RTN4R: variants seen among roughly 807,000 people sequenced by gnomAD.
RTN4R encodes the protein reticulon-4 receptor.
A neutral mutation model predicts 27.7 loss-of-function variants in RTN4R; 4 were observed. The observed-to-expected ratio is 0.14, with a 90% confidence interval of 0.07 to 0.33. The LOEUF (loss-of-function observed/expected upper bound fraction) is 0.33. RTN4R is among the 10% of genes least tolerant of loss of function. The probability of loss-of-function intolerance (pLI) is 1.00; values close to 1 mark genes in which losing one functional copy is unlikely to be tolerated. For missense variants in RTN4R, 554 were observed against 671.5 expected, an observed-to-expected ratio of 0.83 and a Z score of 1.93; for synonymous variants, 290 against 305.6, an observed-to-expected ratio of 0.95 and a Z score of 0.53.
chr22:20,267,966 T>C, intron 1 of RTN4R, 105 bp downstream of exon 1: 2 of 637,074 alleles, frequency 3.1e-6, no homozygotes, highest in Admixed American at 5.2e-5. Flanking sequence ...TACGCTTCCC[T>C]CGCCTCGGCA....
Position 20,241,742 on chromosome 22 carries a change from A to G in RTN4R, c.1391T>C (p.Leu464Pro). The G allele has an allele frequency of 1.9e-6, 3 of 1,551,070 alleles. No individual in the cohort carries two copies. The highest frequency in any genetic ancestry group is 2.6e-6 in the Non-Finnish European group (3 of 1,147,308). Residue 464 changes from leucine to proline, a missense_variant, in exon 2 of 2, where the codon CTG (leucine) becomes CCG (proline). Leu to Pro is a moderately conservative substitution (Grantham distance 98). This residue lies in a region of RTN4R where 141 missense variants were observed against 129.2 expected (regional missense o/e 1.09). Transcript: ENST00000043402. The stretch of plus-strand genomic sequence containing the variant: ...GGGCCCAAGCACTGTCCACAGCACC[A>G]GCGCCAGGCCCAGGGGGGTGAGGCT... ...TCSLTPLGLA[L>P]VLWTVLGPC
intron 1 of RTN4R, chr22:20,243,554 C>A: frequency 2.2e-6 from 1 of 453,844 alleles, no homozygotes; most frequent in Non-Finnish European, 4.5e-6. Flanking sequence ...GGGCTGGGGT[C>A]CCTCTGGGCA....
At chr22:20,248,411 G>A (rs984346985) in intron 1 of RTN4R, among the ~76,000 whole-genome samples, 10 of 152,180 alleles carry the variant, frequency 6.6e-5, no homozygotes, top group Non-Finnish European at 1.5e-4. Context: ...GCACCTGAGA[G>A]GGTACACCTT....
chr22:20,242,452 G>T lies in RTN4R; in HGVS notation c.681C>A (p.Arg227=), dbSNP rs780018426. Reference sequence around the variant, plus strand: ...TGGCAAACAGATAGAGTGTCATGAGGCGGCCAAGGTCACGGAAGGCATGCG... The same window carrying T: ...TGGCAAACAGATAGAGTGTCATGAGTCGGCCAAGGTCACGGAAGGCATGCG... ...VHPHAFRDLG[R]LMTLYLFANN... The change falls in exon 2 of 2, where the codon CGC becomes CGA. Residue 227 remains arginine (R), a synonymous_variant. Coordinates refer to ENST00000043402, the MANE Select transcript of RTN4R (RefSeq NM_023004.6). 19 of 1,613,520 alleles carry T rather than the reference G, an allele frequency of 1.2e-5. No homozygotes were observed. The highest frequency in any genetic ancestry group is 1.4e-5 in the Non-Finnish European group (16 of 1,179,992).
chr22:20,260,475 G>A (rs1479646192), intron 1 of RTN4R, among the ~76,000 whole-genome samples: 4 of 152,302 alleles, frequency 2.6e-5, no homozygotes, highest in South Asian at 2.1e-4. Flanking sequence ...GGTGGCATGC[G>A]TGGAGGCAGG....
chr22:20,252,023 C>A (rs854926), intron 1 of RTN4R, among the ~76,000 whole-genome samples: 139,479 of 139,684 alleles, frequency 1, 69,637 homozygotes, highest in Middle Eastern at 1. Flanking sequence ...CACCATCATC[C>A]CATCACTATC....
chr22:20,242,383 A>C lies in RTN4R; in HGVS notation c.750T>G (p.Arg250=). 2 of 1,613,066 alleles carry C rather than the reference A, an allele frequency of 1.2e-6. No homozygotes were observed. The highest frequency in any genetic ancestry group is 1.7e-6 in the Non-Finnish European group (2 of 1,179,934). The part of the protein sequence containing the change: ...ALPTEALAPL[R]ALQYLRLNDN... ...CGTTGAGCCTCAGGTACTGCAGGGC[A>C]CGCAGGGGGGCCAGGGCCTCAGTGG... Residue 250 remains arginine, a synonymous_variant, in exon 2 of 2, where the codon CGT becomes CGG. Transcript: ENST00000043402.
chr22:20,263,789 G>C (rs5748568), intron 1 of RTN4R, among the ~76,000 whole-genome samples: 10,868 of 152,380 alleles, frequency 0.071, 717 homozygotes, highest in East Asian at 0.33. Context: ...TGGTCTGGCT[G>C]CTGTGGGTTG....
At chr22:20,263,883 C>T (rs1307964227) in intron 1 of RTN4R, among the ~76,000 whole-genome samples, 2 of 152,238 alleles carry the variant, frequency 1.3e-5, no homozygotes, top group Admixed American at 6.5e-5. Flanking sequence ...GAAGAGGCCC[C>T]GCAGGCCATA....
At position 20,242,874 on chromosome 22, in the gene RTN4R, A is replaced by G; in HGVS notation, c.259T>C (p.Trp87Arg). ...CGGGCCAGCACATTCGAGTGCAGCC[A>G]CAGGATGGTGAGGTTGCGGCAGGCA... The part of the protein sequence containing the change: ...FRACRNLTIL[W>R]LHSNVLARID... The change falls in exon 2 of 2, where the codon TGG becomes CGG. Residue 87 changes from tryptophan (W) to arginine (R), a missense_variant. Trp to Arg is a moderately radical substitution (Grantham distance 101). This residue lies in a region of RTN4R where 413 missense variants were observed against 542.3 expected (regional missense o/e 0.76). Transcript: ENST00000043402. The G allele has an allele frequency of 3.1e-6, 5 of 1,612,806 alleles. No individual in the cohort carries two copies. Among genetic ancestry groups the G allele is most frequent in the South Asian group, 1.1e-5 (1 of 91,072 alleles).
chr22:20,252,356 A>G (rs1192585399), intron 1 of RTN4R, among the ~76,000 whole-genome samples: 1 of 152,232 alleles, frequency 6.6e-6, no homozygotes, highest in East Asian at 1.9e-4. Context: ...AGGGAAGAGG[A>G]CAAGGGATGG....
intron 1 of RTN4R, among the ~76,000 whole-genome samples, chr22:20,250,886 G>C (rs1464752743): frequency 6.6e-6 from 1 of 152,066 alleles, no homozygotes; most frequent in African/African-American, 2.4e-5. Context: ...CACACAAAGA[G>C]AACAAAATGG....
At chr22:20,267,822 G>T (rs1053608680) in intron 1 of RTN4R, 1 of 358,550 alleles carries the variant, frequency 2.8e-6, no homozygotes, top group Non-Finnish European at 5.4e-6. Flanking sequence ...CGCCACCCTC[G>T]GCCCTGCCGA....
chr22:20,241,835 T>C lies in RTN4R; in HGVS notation c.1298A>G (p.Gln433Arg), dbSNP rs946913357. The stretch of plus-strand genomic sequence containing the variant: ...AGTCCCGCCACCCCCGCTGCCTGCC[T>C]GGCCCAGACGGCAGTGGCTGCGGGT... ...NRTRSHCRLG[Q>R]AGSGGGGTGD... Residue 433 changes from glutamine (Q) to arginine (R), a missense_variant, in exon 2 of 2, where the codon CAG becomes CGG. Around this residue, in one of 2 missense-constraint regions of RTN4R, gnomAD observed 141 missense variants for 129.2 expected, o/e 1.09. Transcript: ENST00000043402. The C allele has an allele frequency of 1.2e-6, 2 of 1,605,406 alleles. No homozygotes were observed. Among genetic ancestry groups the C allele is most frequent in the Admixed American group, 1.7e-5 (1 of 59,046 alleles).
chr22:20,256,898 T>C (rs1190086817), intron 1 of RTN4R, among the ~76,000 whole-genome samples: 3 of 152,216 alleles, frequency 2.0e-5, no homozygotes, highest in Non-Finnish European at 4.4e-5. Context: ...ACGGTCTCCT[T>C]GACACCCCTC....
chr22:20,264,440 G>A (rs555674814), intron 1 of RTN4R, among the ~76,000 whole-genome samples: 3 of 152,322 alleles, frequency 2.0e-5, no homozygotes, highest in South Asian at 2.1e-4. Context: ...CGCTCCGATC[G>A]GGCTTCCCTG....
intron 1 of RTN4R, 54 bp downstream of exon 1, chr22:20,268,017 G>A: frequency 1.9e-6 from 2 of 1,074,308 alleles, no homozygotes; most frequent in Non-Finnish European, 1.2e-6. Flanking sequence ...GGGGCGAGCC[G>A]CCCCCCTCCG....
intron 1 of RTN4R, among the ~76,000 whole-genome samples, chr22:20,246,697 C>T (rs967504317): frequency 6.6e-6 from 1 of 152,226 alleles, no homozygotes; most frequent in African/African-American, 2.4e-5. Context: ...CCCTCCCAAG[C>T]TTGGGCTGAA....
intron 1 of RTN4R, chr22:20,243,318 G>A (rs1461785701): frequency 1.4e-6 from 1 of 696,340 alleles, no homozygotes; most frequent in African/African-American, 1.8e-5. Flanking sequence ...ACATGCCTTG[G>A]AGCCATGCAC....
Sources: gnomAD v4.1 joint callset for allele counts (sites outside exome capture counted in the v4.1 genomes callset) on GRCh38, gnomAD v4.1.1 for gene constraint, gnomAD v4.1.1 regional missense constraint, MANE v1.5 for transcripts, NCBI Gene and HGNC (gene_info 2026-07-23, HGNC 2026-07-21) for gene names.